The following MTHFD2L variants were observed in gnomAD, a reference collection of about 807,000 sequenced individuals.
The protein encoded by MTHFD2L is bifunctional methylenetetrahydrofolate dehydrogenase/cyclohydrolase 2, mitochondrial.
MTHFD2L carries 29 observed loss-of-function variants against 34.9 expected under a neutral mutation model. The ratio of observed to expected loss-of-function variants is 0.83; its 90% CI spans 0.62 to 1.13. MTHFD2L has a LOEUF of 1.13. MTHFD2L is among the 50% of genes most tolerant of loss of function. MTHFD2L has a pLI of 0.00. For synonymous variants in MTHFD2L, 167 were observed against 155.7 expected, an observed-to-expected ratio of 1.07 and a Z score of -0.54; for missense variants, 481 against 446.5, an observed-to-expected ratio of 1.08 and a Z score of -0.70.
At chr4:74,238,176 G>A (rs1313492999) in intron 6 of MTHFD2L, among the ~76,000 whole-genome samples, 1 of 152,118 alleles carries the variant, frequency 6.6e-6, no homozygotes. Flanking sequence ...TCCATACAGA[G>A]GTGGTGTTTG....
intron 5 of MTHFD2L, among the ~76,000 whole-genome samples, chr4:74,205,402 G>T (rs560487436): frequency 6.6e-6 from 1 of 152,148 alleles, no homozygotes; most frequent in African/African-American, 2.4e-5. Flanking sequence ...AGCTCATGCC[G>T]TGTATTTATT....
At chr4:74,193,082 T>C (rs1732844800) in intron 3 of MTHFD2L, among the ~76,000 whole-genome samples, 1 of 152,204 alleles carries the variant, frequency 6.6e-6, no homozygotes, top group Non-Finnish European at 1.5e-5. Context: ...ATTTTAACTT[T>C]TATGTTTAGA....
intron 6 of MTHFD2L, among the ~76,000 whole-genome samples, chr4:74,272,893 C>T (rs1004672759): frequency 2.6e-5 from 4 of 152,116 alleles, no homozygotes; most frequent in African/African-American, 9.7e-5. Context: ...CCCTAATGAA[C>T]TTATTCTTTC....
chr4:74,252,924 T>C (rs1743512808), intron 6 of MTHFD2L, among the ~76,000 whole-genome samples: 1 of 152,088 alleles, frequency 6.6e-6, no homozygotes. Context: ...TAGATACATA[T>C]ATTAAAATTT....
At chr4:74,298,017 CTTA>C (rs2110330178) in intron 7 of MTHFD2L, among the ~76,000 whole-genome samples, 1 of 152,088 alleles carries the variant, frequency 6.6e-6, no homozygotes, top group East Asian at 1.9e-4. Context: ...AGCAGATAAG[CTTA>C]TTATTTCCTT....
chr4:74,248,856 T>C (rs1578611198), intron 6 of MTHFD2L, among the ~76,000 whole-genome samples: 1 of 146,834 alleles, frequency 6.8e-6, no homozygotes, highest in Non-Finnish European at 1.5e-5. Flanking sequence ...CAGTTTGTTA[T>C]AATTTCTGTT....
At chr4:74,211,644 T>C (rs911041502) in intron 5 of MTHFD2L, among the ~76,000 whole-genome samples, 1 of 152,210 alleles carries the variant, frequency 6.6e-6, no homozygotes, top group Non-Finnish European at 1.5e-5. Flanking sequence ...CCTGAAATTT[T>C]CTTTTTTTGT....
At chr4:74,247,684 C>T (rs1330028332) in intron 6 of MTHFD2L, among the ~76,000 whole-genome samples, 1 of 152,150 alleles carries the variant, frequency 6.6e-6, no homozygotes, top group Non-Finnish European at 1.5e-5. Flanking sequence ...GAGTTTTTAG[C>T]ATGAAGGGAT....
chr4:74,122,598 G>C (rs1274435056), upstream of MTHFD2L, among the ~76,000 whole-genome samples: 1 of 152,106 alleles, frequency 6.6e-6, no homozygotes, highest in East Asian at 1.9e-4. Flanking sequence ...CAGCACCCTG[G>C]AATATTGCTG....
intron 6 of MTHFD2L, among the ~76,000 whole-genome samples, chr4:74,279,298 T>C (rs1443768308): frequency 6.6e-6 from 1 of 151,964 alleles, no homozygotes; most frequent in Non-Finnish European, 1.5e-5. Flanking sequence ...AGGTTTCATA[T>C]TTTATATTTA....
chr4:74,185,667 A>G (rs187613093), intron 3 of MTHFD2L, among the ~76,000 whole-genome samples: 1 of 152,178 alleles, frequency 6.6e-6, no homozygotes, highest in African/African-American at 2.4e-5. Flanking sequence ...TCCCAATTTG[A>G]CAAGTTAAAT....
chr4:74,189,809 C>T (rs1313830682), intron 3 of MTHFD2L, among the ~76,000 whole-genome samples: 2 of 151,854 alleles, frequency 1.3e-5, no homozygotes, highest in African/African-American at 4.8e-5. Flanking sequence ...ATTATATCCT[C>T]ATCTGTTTTT....
chr4:74,271,681 A>G (rs906006341), intron 6 of MTHFD2L, among the ~76,000 whole-genome samples: 2 of 152,094 alleles, frequency 1.3e-5, no homozygotes, highest in Admixed American at 1.3e-4. Flanking sequence ...ATGAACTTTA[A>G]AGTAGTTTTT....
At chr4:74,281,135 A>G (rs1451302819) in intron 6 of MTHFD2L, among the ~76,000 whole-genome samples, 1 of 151,964 alleles carries the variant, frequency 6.6e-6, no homozygotes, top group Non-Finnish European at 1.5e-5. Context: ...ATAGTATGTG[A>G]CATACAAAAG....
intron 7 of MTHFD2L, among the ~76,000 whole-genome samples, chr4:74,283,237 T>A (rs75868097): frequency 0.055 from 8,384 of 152,222 alleles, 508 homozygotes; most frequent in African/African-American, 0.14. Context: ...CATAGAGTAT[T>A]TTTTTGGTCT....
chr4:74,124,674 G>C (rs1409401966), upstream of MTHFD2L, among the ~76,000 whole-genome samples: 2 of 151,986 alleles, frequency 1.3e-5, no homozygotes, highest in Non-Finnish European at 2.9e-5. Flanking sequence ...TAGCAGAGTT[G>C]TGCCCTTTGA....
upstream of MTHFD2L, chr4:74,157,472 A>T (rs999852242): frequency 2.8e-6 from 1 of 360,870 alleles, no homozygotes; most frequent in African/African-American, 2.1e-5. Flanking sequence ...ACACAAGCTC[A>T]CCACACAATG....
intron 6 of MTHFD2L, among the ~76,000 whole-genome samples, chr4:74,238,591 A>T (rs951277225): frequency 6.6e-6 from 1 of 152,220 alleles, no homozygotes; most frequent in Admixed American, 6.5e-5. Flanking sequence ...CAATCTACCC[A>T]TCTGACAAAG....
Position 74,202,870 on chromosome 4 carries a change from G to A in MTHFD2L, c.712+1500G>A, listed in dbSNP as rs138066801. 7.6e-3 allele frequency among the ~76,000 whole-genome samples: 1,158 copies of A among 151,994 alleles called. 10 individuals carry two copies. The highest frequency in any genetic ancestry group is 0.026 in the African/African-American group (1,092 of 41,442). On this transcript the variant is annotated intron_variant, in intron 5 of 7. Coordinates refer to ENST00000325278, the MANE Select transcript of MTHFD2L (RefSeq NM_001144978.3). ...TATGTGCTCATCATGTACAGCACAC[G>A]CACACATGCACACATGCATGCACAC...
Sources: allele counts gnomAD v4.1 joint callset (sites outside exome capture counted in the v4.1 genomes callset), GRCh38; gene constraint gnomAD v4.1.1; transcripts MANE v1.5; gene names NCBI Gene and HGNC (gene_info 2026-07-23, HGNC 2026-07-21).